The following COL23A1 variants were observed in gnomAD, a reference collection of about 807,000 sequenced individuals.
The protein encoded by COL23A1 is collagen alpha-1(XXIII) chain.
COL23A1 carries 97 observed loss-of-function variants against 99.3 expected under a neutral mutation model. That is an observed-to-expected ratio of 0.98 (90% confidence interval 0.83 to 1.16). COL23A1 has a LOEUF of 1.16. Among genes scored for constraint, COL23A1 ranks in the 50% most tolerant of loss-of-function variants. The pLI is 0.00. For synonymous variants in COL23A1, 320 were observed against 308.2 expected, an observed-to-expected ratio of 1.04 and a Z score of -0.40; for missense variants, 762 against 757.4, an observed-to-expected ratio of 1.01 and a Z score of -0.07.
chr5:178,372,371 T>G (rs1219094762), intron 2 of COL23A1, among the ~76,000 whole-genome samples: 1 of 152,236 alleles, frequency 6.6e-6, no homozygotes, highest in East Asian at 1.9e-4. Flanking sequence ...TTGCTGACTC[T>G]GGTGTTGGCG....
At position 178,468,246 on chromosome 5, in the gene COL23A1, C is replaced by T. The variant is rs1581445525; in HGVS notation, c.361+92436G>A. ...ACTCCAGCCAGAAGCCACGGCAAGCCGCCAGTGTCGAGCAGAGGGCCCCTG... is the reference window on the plus strand; with the variant it reads ...ACTCCAGCCAGAAGCCACGGCAAGCTGCCAGTGTCGAGCAGAGGGCCCCTG... On this transcript the variant is annotated intron_variant, in intron 2 of 28. Transcript: ENST00000390654. This position sits in a 1 kb window ranked among gnomAD's most constrained non-coding sequence, Gnocchi z 4.2. Among the ~76,000 whole-genome samples the T allele has an allele frequency of 1.3e-5, 2 of 150,484 alleles. No individual in the cohort carries two copies. Among genetic ancestry groups the T allele is most frequent in the Admixed American group, 6.6e-5 (1 of 15,188 alleles).
intron 2 of COL23A1, among the ~76,000 whole-genome samples, chr5:178,348,650 C>T (rs2127673775): frequency 6.6e-6 from 1 of 152,334 alleles, no homozygotes; most frequent in Middle Eastern, 3.4e-3. Flanking sequence ...GAGCATTCTG[C>T]CTCAGGAGGG....
intron 2 of COL23A1, among the ~76,000 whole-genome samples, chr5:178,542,152 T>C (rs921886785): frequency 1.3e-5 from 2 of 152,082 alleles, no homozygotes; most frequent in African/African-American, 4.8e-5. Context: ...GTCTCCCGAG[T>C]AGCTGGGACT....
intron 3 of COL23A1, among the ~76,000 whole-genome samples, chr5:178,294,638 A>G (rs1211891103): frequency 2.6e-5 from 4 of 152,252 alleles, no homozygotes; most frequent in African/African-American, 9.6e-5. Flanking sequence ...AGCATCAACC[A>G]GGATGAATTC....
At chr5:178,344,803 T>C in intron 2 of COL23A1, 1 of 593,602 alleles carries the variant, frequency 1.7e-6, no homozygotes, top group Non-Finnish European at 3.0e-6. Flanking sequence ...TTTCTCTTTG[T>C]TAAGATCACT....
intron 2 of COL23A1, among the ~76,000 whole-genome samples, chr5:178,330,047 C>T (rs917721895): frequency 2.6e-5 from 4 of 152,076 alleles, no homozygotes; most frequent in South Asian, 2.1e-4. Flanking sequence ...AAGATCCAGG[C>T]GGCGGAGGCC....
intron 1 of COL23A1, among the ~76,000 whole-genome samples, chr5:178,570,928 C>A (rs1375491465): frequency 1.3e-5 from 2 of 152,196 alleles, no homozygotes; most frequent in East Asian, 3.9e-4. Flanking sequence ...TCAGCCCCTG[C>A]AGGCAAGGAA....
chr5:178,548,091 G>T (rs1000832577), intron 2 of COL23A1, among the ~76,000 whole-genome samples: 1 of 58,256 alleles, frequency 1.7e-5, no homozygotes, highest in Non-Finnish European at 3.3e-5. Context: ...ACACCCTATT[G>T]GTTCTGTTTC....
chr5:178,297,145 T>A (rs1266854475), intron 3 of COL23A1, among the ~76,000 whole-genome samples: 2 of 152,246 alleles, frequency 1.3e-5, no homozygotes, highest in Admixed American at 1.3e-4. Flanking sequence ...ACATTCACAT[T>A]GGCTGTGTTC....
chr5:178,386,673 T>C (rs1763693527), intron 2 of COL23A1, among the ~76,000 whole-genome samples: 1 of 151,900 alleles, frequency 6.6e-6, no homozygotes, highest in South Asian at 2.1e-4. Flanking sequence ...TGAGACCCGG[T>C]GGGAGGGAAG....
chr5:178,454,066 T>C (rs1767634844), intron 2 of COL23A1, among the ~76,000 whole-genome samples: 1 of 152,206 alleles, frequency 6.6e-6, no homozygotes, highest in Non-Finnish European at 1.5e-5. Context: ...CTGTCCGTCT[T>C]CATACGGTGG....
At chr5:178,535,720 C>T (rs750946015) in intron 2 of COL23A1, among the ~76,000 whole-genome samples, 5 of 152,252 alleles carry the variant, frequency 3.3e-5, no homozygotes, top group East Asian at 1.9e-4. Flanking sequence ...GTCTGAAGGG[C>T]GCCGTGTGCC....
intron 2 of COL23A1, among the ~76,000 whole-genome samples, chr5:178,362,404 G>A (rs539641987): frequency 2.0e-5 from 3 of 152,262 alleles, no homozygotes; most frequent in South Asian, 2.1e-4. Flanking sequence ...GGCTGATACC[G>A]AATCCAGGCT....
At chr5:178,269,804 C>T (rs1204414468) in intron 6 of COL23A1, among the ~76,000 whole-genome samples, 1 of 151,838 alleles carries the variant, frequency 6.6e-6, no homozygotes, top group Non-Finnish European at 1.5e-5. Context: ...AGCATCCATC[C>T]ATCCATCCAT....
chr5:178,488,898 C>T lies in COL23A1; in HGVS notation c.361+71784G>A, dbSNP rs539635202. Among the ~76,000 whole-genome samples the T allele has an allele frequency of 4.6e-5, 7 of 152,330 alleles. No individual in the cohort carries two copies. The South Asian group carries it at 1.4e-3, about 32-fold the overall frequency. On this transcript the variant is annotated intron_variant, in intron 2 of 28. Coordinates refer to ENST00000390654, the MANE Select transcript of COL23A1 (RefSeq NM_173465.4). ...TGGACTTCTGCAAGGTCAGCAAACA[C>T]AGGAGCAGTCGCTGAGCAGCGGTGC...
At chr5:178,482,230 A>G (rs1757379119) in intron 2 of COL23A1, among the ~76,000 whole-genome samples, 1 of 152,112 alleles carries the variant, frequency 6.6e-6, no homozygotes, top group African/African-American at 2.4e-5. Flanking sequence ...TGAATAACCA[A>G]TTGTGGTGTA....
Position 178,270,352 on chromosome 5 carries a change from A to G in COL23A1, c.453T>C (p.Gly151=). The G allele has an allele frequency of 6.2e-7, 1 of 1,613,862 alleles. No individual in the cohort carries two copies. Among genetic ancestry groups the G allele is most frequent in the South Asian group, 1.1e-5 (1 of 90,970 alleles). The change falls in exon 6 of 29, where the codon GGT becomes GGC. Residue 151 remains glycine, a synonymous_variant. Coordinates refer to ENST00000390654, the MANE Select transcript of COL23A1 (RefSeq NM_173465.4). ...CATCACTTACGGGCTTGCCATCCAA[A>G]CCCAGGGGTCCCTGGAAAACGAGAG... ...SGRDGYPGPL[G]LDGKPGLPGP...
At chr5:178,383,041 G>T (rs911559937) in intron 2 of COL23A1, among the ~76,000 whole-genome samples, 1 of 152,152 alleles carries the variant, frequency 6.6e-6, no homozygotes, top group East Asian at 1.9e-4. Context: ...GAGCCAGGGG[G>T]TGTCTGTGAT....
At chr5:178,495,847 C>T (rs1283889141) in intron 2 of COL23A1, among the ~76,000 whole-genome samples, 1 of 152,130 alleles carries the variant, frequency 6.6e-6, no homozygotes, top group Non-Finnish European at 1.5e-5. Flanking sequence ...AAGCACCTTC[C>T]CTATATTGAG....
Sources: gnomAD v4.1 joint callset for allele counts (sites outside exome capture counted in the v4.1 genomes callset) on GRCh38, gnomAD v4.1.1 for gene constraint, Gnocchi (gnomAD v3.1) non-coding constraint, MANE v1.5 for transcripts, NCBI Gene and HGNC (gene_info 2026-07-23, HGNC 2026-07-21) for gene names.